The following TAFA1 variants were observed in gnomAD, a reference collection of about 807,000 sequenced individuals.
TAFA1 encodes chemokine-like protein TAFA-1.
A neutral mutation model predicts 18.5 loss-of-function variants in TAFA1; 4 were observed. The observed-to-expected ratio is 0.22, with a 90% CI of 0.11 to 0.49. The LOEUF (loss-of-function observed/expected upper bound fraction) is 0.49, where lower values mean the gene tolerates loss of function less well. Ranked by LOEUF, TAFA1 falls within the 20% of genes least tolerant of loss-of-function variation. The pLI, the probability that TAFA1 is intolerant of heterozygous loss-of-function variation, is 0.98. For missense variants in TAFA1, 147 were observed against 169.0 expected, an observed-to-expected ratio of 0.87 and a Z score of 0.72; for synonymous variants, 56 against 55.2, an observed-to-expected ratio of 1.01 and a Z score of -0.06.
At chr3:68,097,768 G>A (rs1190914820) in intron 2 of TAFA1, among the ~76,000 whole-genome samples, 4 of 152,070 alleles carry the variant, frequency 2.6e-5, no homozygotes, top group African/African-American at 9.7e-5. Flanking sequence ...TAGATTAAGA[G>A]CTATGAAAGA....
intron 2 of TAFA1, among the ~76,000 whole-genome samples, chr3:68,017,386 C>G (rs1244316030): frequency 6.6e-6 from 1 of 152,190 alleles, no homozygotes; most frequent in African/African-American, 2.4e-5. Flanking sequence ...TGTTGCCAAT[C>G]TCCAGACTTC....
chr3:68,081,893 C>A (rs777915128), intron 2 of TAFA1, among the ~76,000 whole-genome samples: 2 of 152,188 alleles, frequency 1.3e-5, no homozygotes, highest in African/African-American at 2.4e-5. Context: ...TGGGCAATGG[C>A]GGGCGCCCCT....
At chr3:68,423,135 G>A (rs998894264) in intron 3 of TAFA1, among the ~76,000 whole-genome samples, 1 of 151,836 alleles carries the variant, frequency 6.6e-6, no homozygotes, top group Non-Finnish European at 1.5e-5. Flanking sequence ...CATGAAAATA[G>A]TATCGATCTC....
In TAFA1 at chr3:68,021,283, T is replaced by G. The variant is rs1007690469; in HGVS notation, c.118+14539T>G. Reference sequence around the variant, plus strand: ...AGTTTGATTAATTAATGAAGATACCTGACCAATAACTCATTAAAGGGAAAT... The same window carrying G: ...AGTTTGATTAATTAATGAAGATACCGGACCAATAACTCATTAAAGGGAAAT... On this transcript the variant is annotated intron_variant, in intron 2 of 4. Transcript: ENST00000478136. Among the ~76,000 whole-genome samples the G allele has an allele frequency of 4.0e-5, 6 of 150,952 alleles. 1 individual carries two copies. The highest frequency in any genetic ancestry group is 6.6e-5 in the Admixed American group (1 of 15,154).
At chr3:68,307,235 T>C (rs2068438102) in intron 2 of TAFA1, among the ~76,000 whole-genome samples, 1 of 152,216 alleles carries the variant, frequency 6.6e-6, no homozygotes, top group African/African-American at 2.4e-5. Flanking sequence ...ATGAAAAAAG[T>C]TACTTAGAGT....
chr3:68,369,516 A>G (rs1231248491), intron 2 of TAFA1, among the ~76,000 whole-genome samples: 1 of 152,238 alleles, frequency 6.6e-6, no homozygotes, highest in Non-Finnish European at 1.5e-5. Flanking sequence ...CCACATCTTA[A>G]AATTGGTGCT....
chr3:68,334,238 A>G (rs1360229348), intron 2 of TAFA1, among the ~76,000 whole-genome samples: 1 of 152,222 alleles, frequency 6.6e-6, no homozygotes, highest in East Asian at 1.9e-4. Flanking sequence ...CATAGAAAAA[A>G]TGGTATGGGT....
intron 3 of TAFA1, among the ~76,000 whole-genome samples, chr3:68,427,553 G>C (rs150670061): frequency 0.019 from 2,844 of 151,866 alleles, 54 homozygotes; most frequent in Admixed American, 0.061. Context: ...CCCCTTCTGG[G>C]ACCTGTATAT....
chr3:68,435,826 A>G (rs2071258030), intron 3 of TAFA1, among the ~76,000 whole-genome samples: 2 of 152,206 alleles, frequency 1.3e-5, no homozygotes, highest in South Asian at 2.1e-4. Context: ...TGAGAATAAC[A>G]TATCTTAACC....
At chr3:68,232,298 T>C (rs2107118178) in intron 2 of TAFA1, among the ~76,000 whole-genome samples, 1 of 152,304 alleles carries the variant, frequency 6.6e-6, no homozygotes, top group South Asian at 2.1e-4. Flanking sequence ...CTCCCCCATA[T>C]GAGTGAGAAC....
chr3:68,029,433 T>C (rs966513052), intron 2 of TAFA1, among the ~76,000 whole-genome samples: 1 of 152,246 alleles, frequency 6.6e-6, no homozygotes, highest in Middle Eastern at 3.2e-3. Context: ...TGTACAGTTA[T>C]AAACATTGAT....
chr3:68,536,067 G>A (rs537412619), intron 3 of TAFA1, among the ~76,000 whole-genome samples: 8 of 151,984 alleles, frequency 5.3e-5, no homozygotes, highest in Admixed American at 2.0e-4. Flanking sequence ...CACCTCCCTG[G>A]GCCTAATAAT....
intron 2 of TAFA1, among the ~76,000 whole-genome samples, chr3:68,175,631 C>T (rs763353697): frequency 6.6e-6 from 1 of 152,176 alleles, no homozygotes; most frequent in Non-Finnish European, 1.5e-5. Flanking sequence ...CGCCTGTTTA[C>T]CTGCTGTATC....
chr3:68,363,256 G>A (rs964117231), intron 2 of TAFA1, among the ~76,000 whole-genome samples: 3 of 152,130 alleles, frequency 2.0e-5, no homozygotes, highest in African/African-American at 7.2e-5. Flanking sequence ...GCTGGGCTCA[G>A]TGAATGAATG....
At position 68,385,907 on chromosome 3, in the gene TAFA1, C is replaced by T. The variant is rs554893315; in HGVS notation, c.119-31373C>T. ...TAATTAGCATATCCATCATCTTGAA[C>T]ATTGATTATTTCTTAGTGTTGGGAG... On this transcript the variant is annotated intron_variant, in intron 2 of 4. Transcript: ENST00000478136. Among the ~76,000 whole-genome samples, 136 of 152,146 alleles carry T rather than the reference C, an allele frequency of 8.9e-4. 2 individuals carry two copies. The highest frequency in any genetic ancestry group is 2.9e-3 in the African/African-American group (119 of 41,540).
chr3:68,530,701 G>A (rs926041547), intron 3 of TAFA1, among the ~76,000 whole-genome samples: 1 of 152,046 alleles, frequency 6.6e-6, no homozygotes, highest in South Asian at 2.1e-4. Flanking sequence ...CTTCGAAAAT[G>A]GTTCACTTGT....
At chr3:68,217,014 C>A (rs751493912) in intron 2 of TAFA1, among the ~76,000 whole-genome samples, 80 of 152,110 alleles carry the variant, frequency 5.3e-4, no homozygotes, top group Middle Eastern at 3.4e-3. Context: ...AGGGAGAGCA[C>A]AACTCTCTGC....
chr3:68,139,968 G>A (rs2065650499), intron 2 of TAFA1, among the ~76,000 whole-genome samples: 1 of 152,180 alleles, frequency 6.6e-6, no homozygotes, highest in South Asian at 2.1e-4. Context: ...TCATGGAGTG[G>A]TTGTTAAGAC....
chr3:68,008,224 G>A (rs1254856306), intron 2 of TAFA1, among the ~76,000 whole-genome samples: 1 of 152,224 alleles, frequency 6.6e-6, no homozygotes, highest in African/African-American at 2.4e-5. Flanking sequence ...CGCGGGAACC[G>A]CCACTCAAAC....
Sources: gnomAD v4.1 joint callset for allele counts (sites outside exome capture counted in the v4.1 genomes callset) on GRCh38, gnomAD v4.1.1 for gene constraint, MANE v1.5 for transcripts, NCBI Gene and HGNC (gene_info 2026-07-23, HGNC 2026-07-21) for gene names.